The following HHIPL2 variants were observed in gnomAD, a reference collection of about 807,000 sequenced individuals.
HHIPL2 encodes the protein HHIP-like protein 2.
HHIPL2 carries 61 observed loss-of-function variants against 61.0 expected under a neutral mutation model. The ratio of observed to expected loss-of-function variants is 1.00; its 90% CI spans 0.81 to 1.24. The LOEUF (loss-of-function observed/expected upper bound fraction) is 1.24. Ranked by LOEUF, HHIPL2 falls within the 50% of genes most tolerant of loss-of-function variation. The pLI, the probability that HHIPL2 is intolerant of heterozygous loss-of-function variation, is 0.00. For missense variants in HHIPL2, 885 were observed against 910.2 expected (o/e 0.97, Z 0.36); for synonymous variants, 343 against 357.4 (o/e 0.96, Z 0.45).
intron 1 of HHIPL2, 22 bp downstream of exon 1, chr1:222,547,702 G>A: frequency 6.3e-7 from 1 of 1,599,812 alleles, no homozygotes; most frequent in Non-Finnish European, 8.6e-7. Context: ...AACCCCTGGG[G>A]CTGGAAGGCA....
At chr1:222,545,128 A>G (rs1372666620) in intron 1 of HHIPL2, among the ~76,000 whole-genome samples, 1 of 152,214 alleles carries the variant, frequency 6.6e-6, no homozygotes, top group Admixed American at 6.5e-5. Flanking sequence ...GATGAAAGAC[A>G]GAGGCAACTG....
At chr1:222,541,322 G>T (rs1421247350) in intron 3 of HHIPL2, among the ~76,000 whole-genome samples, 1 of 152,094 alleles carries the variant, frequency 6.6e-6, no homozygotes, top group Non-Finnish European at 1.5e-5. Context: ...GCATCACTGG[G>T]CTCTGGCACC....
chr1:222,536,340 GAAT>G (rs1488652148), intron 5 of HHIPL2, among the ~76,000 whole-genome samples: 1 of 151,842 alleles, frequency 6.6e-6, no homozygotes, highest in East Asian at 1.9e-4. Context: ...GATATTAAAA[GAAT>G]AATAAAGGAA....
intron 8 of HHIPL2, among the ~76,000 whole-genome samples, chr1:222,523,399 G>C (rs1055879530): frequency 6.6e-6 from 1 of 152,140 alleles, no homozygotes; most frequent in Non-Finnish European, 1.5e-5. Context: ...ATCAACAAAC[G>C]AATGAATGAA....
At position 222,544,194 on chromosome 1, in the gene HHIPL2, A is replaced by C; in HGVS notation, c.322-5T>G. 1.2e-6 allele frequency: 2 copies of C among 1,606,486 alleles called. No homozygotes were observed. The highest frequency in any genetic ancestry group is 1.7e-6 in the Non-Finnish European group (2 of 1,176,624). ...GGCTGCGTAGGGCGAGCACTCCTAA[A>C]AAAGAACGCGGAGCTCAGGCTCAGC... is the stretch of plus-strand genomic sequence containing the variant. On this transcript the variant is annotated splice_polypyrimidine_tract_variant and splice_region_variant and intron_variant, in intron 1 of 8. Transcript: ENST00000343410.
At chr1:222,544,271 A>T (rs1368550897) in intron 1 of HHIPL2, 82 bp from the exon 2 acceptor site, 1 of 1,437,918 alleles carries the variant, frequency 7.0e-7, no homozygotes, top group Non-Finnish European at 9.4e-7. Flanking sequence ...AGCAGAAAGA[A>T]AAAATGGTGC....
Position 222,522,447 on chromosome 1 carries a change from T to A in HHIPL2, c.*154A>T. ...AGAGAAGGTGCATTTATTTATTCAGTAGACAGCAAGATTTCCCAGGGAGAG... is the reference window on the plus strand; with the variant it reads ...AGAGAAGGTGCATTTATTTATTCAGAAGACAGCAAGATTTCCCAGGGAGAG... On this transcript the variant is annotated 3_prime_UTR_variant, in exon 9 of 9. Transcript: ENST00000343410. The A allele has an allele frequency of 1.4e-6, 1 of 722,298 alleles. No homozygotes were observed. The highest frequency in any genetic ancestry group is 2.3e-5 in the Admixed American group (1 of 42,922). The allele number at this position is 722,298 out of a possible 1,614,324, so 44.7% of individuals were successfully genotyped here. A position where few individuals can be genotyped will look rare whatever the true frequency, so the allele number is the denominator to read the frequency against.
At chr1:222,526,923 G>A (rs1232415041) in intron 7 of HHIPL2, 46 bp downstream of exon 7, 2 of 1,493,690 alleles carry the variant, frequency 1.3e-6, no homozygotes, top group Non-Finnish European at 1.9e-6. Context: ...ATGGAGATAA[G>A]AAATGAGAAA....
chr1:222,540,390 A>G (rs2102619664), intron 3 of HHIPL2, 49 bp from the exon 4 acceptor site: 4 of 1,502,588 alleles, frequency 2.7e-6, no homozygotes, highest in South Asian at 1.3e-5. Context: ...AAGGAAAGCC[A>G]CAGGACTGGA....
chr1:222,536,804 C>A (rs1443019001), intron 5 of HHIPL2, among the ~76,000 whole-genome samples: 1 of 152,050 alleles, frequency 6.6e-6, no homozygotes, highest in Admixed American at 6.6e-5. Flanking sequence ...AATCCTAGCA[C>A]TTTGGGAGGC....
chr1:222,535,725 C>CT (rs1660344378), intron 5 of HHIPL2, among the ~76,000 whole-genome samples: 1 of 152,110 alleles, frequency 6.6e-6, no homozygotes, highest in African/African-American at 2.4e-5. Flanking sequence ...CTACCTTCCT[C>CT]TTCTAAACAC....
intron 5 of HHIPL2, among the ~76,000 whole-genome samples, chr1:222,532,413 G>A (rs1433025200): frequency 6.6e-6 from 1 of 152,068 alleles, no homozygotes; most frequent in African/African-American, 2.4e-5. Context: ...AGGAGTTCAC[G>A]ACCAGCCTGG....
intron 5 of HHIPL2, among the ~76,000 whole-genome samples, chr1:222,534,590 A>AT (rs760913376): frequency 0.26 from 38,540 of 149,672 alleles, 5,390 homozygotes; most frequent in Non-Finnish European, 0.29. Context: ...AAAAAAAAAA[A>AT]AAAAAAAATT....
chr1:222,546,565 G>A (rs577737501), intron 1 of HHIPL2, among the ~76,000 whole-genome samples: 164 of 152,320 alleles, frequency 1.1e-3, no homozygotes, highest in African/African-American at 3.4e-3. Context: ...AGGGTCAGGG[G>A]TATAAATTTT....
chr1:222,542,145 C>G lies in HHIPL2; in HGVS notation c.985G>C (p.Glu329Gln). The G allele has an allele frequency of 6.2e-7, 1 of 1,613,708 alleles. No homozygotes were observed. The highest frequency in any genetic ancestry group is 8.5e-7 in the Non-Finnish European group (1 of 1,179,940). The part of the protein sequence containing the change: ...ADLKSERVIL[E>Q]IEEPASNHNG... ...TGGTTTGAGGCTGGTTCTTCAATCT[C>G]CAAGATGACCCTGGAAGAGAAAAAA... The change falls in exon 3 of 9, where the codon GAG (glutamate) becomes CAG (glutamine). Residue 329 changes from glutamate (E) to glutamine (Q), a missense_variant. Physicochemically the swap from Glu to Gln is conservative, Grantham distance 29 (BLOSUM62 2). Coordinates refer to ENST00000343410, the MANE Select transcript of HHIPL2 (RefSeq NM_024746.4).
chr1:222,539,903 C>T (rs570232043), intron 4 of HHIPL2, 107 bp downstream of exon 4: 144 of 902,700 alleles, frequency 1.6e-4, no homozygotes, highest in Middle Eastern at 4.6e-4. Flanking sequence ...ACAAACAAGG[C>T]GTGATTTAAA....
chr1:222,545,115 A>G (rs1360006604), intron 1 of HHIPL2, among the ~76,000 whole-genome samples: 1 of 152,214 alleles, frequency 6.6e-6, no homozygotes, highest in Non-Finnish European at 1.5e-5. Flanking sequence ...GACTCCCAGT[A>G]GTGATGAAAG....
At chr1:222,544,582 T>C (rs1659516886) in intron 1 of HHIPL2, among the ~76,000 whole-genome samples, 1 of 152,184 alleles carries the variant, frequency 6.6e-6, no homozygotes, top group Admixed American at 6.5e-5. Context: ...GGCTGATTCC[T>C]AACTCCTAGG....
At chr1:222,536,463 G>A (rs34341350) in intron 5 of HHIPL2, among the ~76,000 whole-genome samples, 70,215 of 151,992 alleles carry the variant, frequency 0.46, 17,102 homozygotes, top group East Asian at 0.66. Context: ...GATAAGCTGA[G>A]TAATTAAATC....
Sources: allele counts gnomAD v4.1 joint callset (sites outside exome capture counted in the v4.1 genomes callset), GRCh38; gene constraint gnomAD v4.1.1; transcripts MANE v1.5; gene names NCBI Gene and HGNC (gene_info 2026-07-23, HGNC 2026-07-21).